The following DIP2C variants were observed in gnomAD, a reference collection of about 807,000 sequenced individuals.
The protein encoded by DIP2C is DIP2 acetate--CoA ligase C (putative), also known as disco-interacting protein 2 homolog C.
DIP2C carries 33 observed loss-of-function variants against 192.4 expected under a neutral mutation model. The ratio of observed to expected loss-of-function variants is 0.17; its 90% CI spans 0.13 to 0.23. DIP2C has a LOEUF of 0.23. Ranked by LOEUF, DIP2C falls within the 10% of genes least tolerant of loss-of-function variation. The probability of loss-of-function intolerance (pLI) is 1.00; values close to 1 mark genes in which losing one functional copy is unlikely to be tolerated. For missense variants in DIP2C, 1,537 were observed against 2,110.1 expected (o/e 0.73, Z 5.32); for synonymous variants, 979 against 864.1 (o/e 1.13, Z -2.33).
chr10:302,685 C>T (rs547155932), intron 32 of DIP2C, among the ~76,000 whole-genome samples: 4 of 152,286 alleles, frequency 2.6e-5, no homozygotes, highest in Admixed American at 1.3e-4. Context: ...CAAGTGCTCC[C>T]GGGCTGCACA....
At chr10:490,146 GCT>G (rs1588281636) in intron 1 of DIP2C, among the ~76,000 whole-genome samples, 1 of 131,020 alleles carries the variant, frequency 7.6e-6, no homozygotes, top group African/African-American at 2.9e-5. Context: ...GGACACGGTG[GCT>G]CTGACAGTGC....
At chr10:321,497 C>T (rs1957008459) in intron 31 of DIP2C, among the ~76,000 whole-genome samples, 1 of 150,958 alleles carries the variant, frequency 6.6e-6, no homozygotes, top group Non-Finnish European at 1.5e-5. Context: ...CATCAGGCGT[C>T]CCCCACCAGA....
chr10:337,263 G>GGCA (rs1957858651), intron 29 of DIP2C, among the ~76,000 whole-genome samples: 1 of 145,264 alleles, frequency 6.9e-6, no homozygotes, highest in Non-Finnish European at 1.5e-5. Context: ...TGGAGGCCTA[G>GGCA]GCTGATGTGT....
intron 4 of DIP2C, among the ~76,000 whole-genome samples, chr10:427,559 C>T (rs1305948085): frequency 6.8e-6 from 1 of 148,124 alleles, no homozygotes; most frequent in Non-Finnish European, 1.5e-5. Context: ...AGATGACAAC[C>T]AACCCATTTT....
At chr10:347,905 C>T (rs1457181016) in intron 26 of DIP2C, among the ~76,000 whole-genome samples, 1 of 146,790 alleles carries the variant, frequency 6.8e-6, no homozygotes, top group Non-Finnish European at 1.5e-5. Context: ...CCAGACGCGT[C>T]GCGCATAGCT....
intron 3 of DIP2C, among the ~76,000 whole-genome samples, chr10:449,292 TC>T (rs1431063144): frequency 6.6e-6 from 1 of 152,176 alleles, no homozygotes; most frequent in African/African-American, 2.4e-5. Context: ...AAAGTCGACT[TC>T]TCCACCTCCC....
At chr10:577,581 G>A (rs760861600) in intron 1 of DIP2C, among the ~76,000 whole-genome samples, 3 of 152,184 alleles carry the variant, frequency 2.0e-5, no homozygotes, top group Non-Finnish European at 4.4e-5. Flanking sequence ...TCAGAGGAAC[G>A]CATGATGGGA....
intron 3 of DIP2C, among the ~76,000 whole-genome samples, chr10:460,966 G>C (rs7085794): frequency 0.81 from 123,795 of 152,116 alleles, 54,472 homozygotes; most frequent in Non-Finnish European, 0.96. Flanking sequence ...TGTAAGTGAA[G>C]GAGAAATATA....
chr10:464,331 G>A (rs1970037222), intron 3 of DIP2C, among the ~76,000 whole-genome samples: 1 of 151,468 alleles, frequency 6.6e-6, no homozygotes. Context: ...GTGGACAAAG[G>A]TTATGAACAG....
At chr10:553,212 C>T (rs1480528261) in intron 1 of DIP2C, among the ~76,000 whole-genome samples, 1 of 152,226 alleles carries the variant, frequency 6.6e-6, no homozygotes, top group East Asian at 1.9e-4. Context: ...TCTCCCTCGT[C>T]CCTGCACCTG....
At chr10:437,378 G>A (rs541730976) in intron 4 of DIP2C, among the ~76,000 whole-genome samples, 6 of 147,042 alleles carry the variant, frequency 4.1e-5, no homozygotes, top group Admixed American at 2.0e-4. Flanking sequence ...TCTGAGCTCC[G>A]CCTCCTGAAT....
chr10:328,259 G>C (rs1005467186), intron 30 of DIP2C, among the ~76,000 whole-genome samples: 1 of 152,170 alleles, frequency 6.6e-6, no homozygotes, highest in Non-Finnish European at 1.5e-5. Flanking sequence ...TCACACGCGC[G>C]CACGTCTGAG....
At chr10:505,355 T>C (rs1845524014) in intron 1 of DIP2C, among the ~76,000 whole-genome samples, 1 of 152,204 alleles carries the variant, frequency 6.6e-6, no homozygotes, top group South Asian at 2.1e-4. Context: ...GCAAAACATT[T>C]GAGGAACGGA....
intron 1 of DIP2C, among the ~76,000 whole-genome samples, chr10:589,805 C>CA (rs1160015488): frequency 6.6e-6 from 1 of 152,172 alleles, no homozygotes; most frequent in Non-Finnish European, 1.5e-5. Flanking sequence ...CAAAGGCTCC[C>CA]AGGTGAAACC....
intron 29 of DIP2C, among the ~76,000 whole-genome samples, chr10:330,548 G>A (rs143791867): frequency 2.0e-5 from 3 of 152,130 alleles, no homozygotes; most frequent in African/African-American, 7.2e-5. Flanking sequence ...GCTAGAGTAG[G>A]GTGGTGTAAT....
At chr10:277,604 T>TTA in intron 36 of DIP2C, 27 bp from the exon 37 acceptor site, 2 of 1,611,214 alleles carry the variant, frequency 1.2e-6, no homozygotes, top group Non-Finnish European at 1.7e-6. Flanking sequence ...AAAGCCATCA[T>TTA]TATATGTTTA....
intron 10 of DIP2C, among the ~76,000 whole-genome samples, chr10:391,984 T>C (rs1016674900): frequency 6.6e-6 from 1 of 152,216 alleles, no homozygotes; most frequent in Non-Finnish European, 1.5e-5. Context: ...GGAATTTTCA[T>C]GGAGCAACAG....
chr10:321,421 C>G lies in DIP2C; in HGVS notation c.3924+5585G>C, dbSNP rs138956280. ...TGCACACGGGTGAGGCTCCCTCTCT[C>G]TTTTGGACAATGTTCTTTGCTGAGT... On this transcript the variant is annotated intron_variant, in intron 31 of 36. Transcript: ENST00000280886. Among the ~76,000 whole-genome samples the G allele has an allele frequency of 1.9e-3, 294 of 152,212 alleles. 2 individuals are homozygous for G. The highest frequency in any genetic ancestry group is 6.7e-3 in the African/African-American group (277 of 41,428).
intron 1 of DIP2C, among the ~76,000 whole-genome samples, chr10:670,485 T>C (rs1830580539): frequency 6.6e-6 from 1 of 152,122 alleles, no homozygotes; most frequent in African/African-American, 2.4e-5. Context: ...CAAGTGAGAA[T>C]TGAGATGGAT....
Sources: allele counts gnomAD v4.1 joint callset (sites outside exome capture counted in the v4.1 genomes callset), GRCh38; gene constraint gnomAD v4.1.1; transcripts MANE v1.5; gene names NCBI Gene and HGNC (gene_info 2026-07-23, HGNC 2026-07-21).